Variants in PTPN14 observed in about 807,000 individuals in gnomAD.
The protein encoded by PTPN14 is protein tyrosine phosphatase non-receptor type 14, also known as tyrosine-protein phosphatase non-receptor type 14.
A neutral mutation model predicts 126.8 loss-of-function variants in PTPN14; 53 were observed. The observed-to-expected ratio is 0.42, with a 90% confidence interval of 0.34 to 0.53. The LOEUF (loss-of-function observed/expected upper bound fraction) is 0.53, where lower values mean the gene tolerates loss of function less well. Ranked by LOEUF, PTPN14 falls within the 20% of genes least tolerant of loss-of-function variation. The pLI is 0.08. For synonymous variants in PTPN14, 630 were observed against 599.3 expected, an observed-to-expected ratio of 1.05 and a Z score of -0.75; for missense variants, 1,257 against 1,552.9, an observed-to-expected ratio of 0.81 and a Z score of 3.20.
At chr1:214,493,606 G>C (rs1391299968) in intron 1 of PTPN14, among the ~76,000 whole-genome samples, 1 of 152,166 alleles carries the variant, frequency 6.6e-6, no homozygotes, top group African/African-American at 2.4e-5. Flanking sequence ...AATGAATTAG[G>C]AGAGATGGCG....
intron 3 of PTPN14, among the ~76,000 whole-genome samples, chr1:214,440,730 A>G (rs1163927821): frequency 1.3e-5 from 2 of 152,222 alleles, no homozygotes; most frequent in African/African-American, 4.8e-5. Context: ...TTCAAGTTAT[A>G]CAGAAAGTGC....
At chr1:214,500,554 T>G (rs1488621183) in intron 1 of PTPN14, among the ~76,000 whole-genome samples, 1 of 152,166 alleles carries the variant, frequency 6.6e-6, no homozygotes, top group Non-Finnish European at 1.5e-5. Flanking sequence ...GCTTGAGGCA[T>G]CGGCTCACTG....
intron 1 of PTPN14, among the ~76,000 whole-genome samples, chr1:214,475,683 C>T (rs940492825): frequency 6.6e-6 from 1 of 152,128 alleles, no homozygotes; most frequent in South Asian, 2.1e-4. Flanking sequence ...ATCAGCACCG[C>T]CATTTGTGAA....
intron 15 of PTPN14, among the ~76,000 whole-genome samples, chr1:214,375,252 G>T (rs72757960): frequency 6.6e-6 from 1 of 151,972 alleles, no homozygotes; most frequent in Non-Finnish European, 1.5e-5. Flanking sequence ...TATCTAACTC[G>T]CCTTTTACAG....
chr1:214,450,405 G>T (rs1660247995), intron 3 of PTPN14, among the ~76,000 whole-genome samples: 2 of 151,590 alleles, frequency 1.3e-5, no homozygotes, highest in African/African-American at 4.8e-5. Flanking sequence ...CTGGGAGGTG[G>T]AGGCTGCAGT....
intron 5 of PTPN14, among the ~76,000 whole-genome samples, chr1:214,409,737 GCTCAGTAAGACTTTACTCCTCA>G (rs1273163687): frequency 4.5e-5 from 2 of 44,218 alleles, no homozygotes; most frequent in African/African-American, 1.5e-4. Flanking sequence ...TACTCCTCAT[GCTCAGTAAGACTTTACTCCTCA>G]TGCTCAATAC....
chr1:214,443,113 G>A (rs545424480), intron 3 of PTPN14, among the ~76,000 whole-genome samples: 130 of 152,090 alleles, frequency 8.5e-4, no homozygotes, highest in Non-Finnish European at 1.7e-3. Context: ...GTGAACCACC[G>A]CGCCCAGCCT....
chr1:214,475,054 G>A (rs1412650352), intron 1 of PTPN14, among the ~76,000 whole-genome samples: 1 of 152,210 alleles, frequency 6.6e-6, no homozygotes, highest in Non-Finnish European at 1.5e-5. Flanking sequence ...GCACCACTAT[G>A]AGTTGACAGT....
At chr1:214,530,801 GT>G (rs369277271) in intron 1 of PTPN14, 44 of 152,262 alleles carry the variant, frequency 2.9e-4, no homozygotes, top group African/African-American at 1.0e-3. Context: ...GAGTTCAGTA[GT>G]AACCTTCTTT....
Position 214,383,824 on chromosome 1 carries a change from G to A in PTPN14, c.2031C>T (p.Pro677=), listed in dbSNP as rs770086401. The change falls in exon 13 of 19, where the codon CCC becomes CCT. Residue 677 remains proline, a synonymous_variant. Coordinates refer to ENST00000366956, the MANE Select transcript of PTPN14 (RefSeq NM_005401.5). The surrounding 1 kb of genome is among the most constrained non-coding windows in gnomAD (Gnocchi z 4.4). ...CCTCGTGGCTGCCTGACCCCTCCTC[G>A]GGCGGTCCCTGCTCCCGGAGCGTGT... The part of the protein sequence containing the change: ...RRNTLREQGP[P]EEGSGSHEVP... The A allele has an allele frequency of 1.7e-5, 27 of 1,612,358 alleles. No individual in the cohort carries two copies. Among genetic ancestry groups the A allele is most frequent in the East Asian group, 6.7e-5 (3 of 44,888 alleles).
At chr1:214,444,907 C>T (rs1390754783) in intron 3 of PTPN14, among the ~76,000 whole-genome samples, 1 of 152,208 alleles carries the variant, frequency 6.6e-6, no homozygotes, top group East Asian at 1.9e-4. Flanking sequence ...CCTTGTCACT[C>T]ACTTCACACG....
intron 1 of PTPN14, among the ~76,000 whole-genome samples, chr1:214,486,039 T>G (rs1157722014): frequency 1.3e-5 from 2 of 152,138 alleles, no homozygotes; most frequent in Non-Finnish European, 2.9e-5. Flanking sequence ...TCTTTTATAT[T>G]TCATTGGTGA....
chr1:214,430,753 A>G (rs950491602), intron 3 of PTPN14, among the ~76,000 whole-genome samples: 1 of 152,118 alleles, frequency 6.6e-6, no homozygotes, highest in Non-Finnish European at 1.5e-5. Flanking sequence ...TTCTCTGGAG[A>G]TCACTGAATA....
chr1:214,371,243 T>C (rs371909277), intron 16 of PTPN14, among the ~76,000 whole-genome samples: 23 of 152,252 alleles, frequency 1.5e-4, no homozygotes, highest in African/African-American at 5.5e-4. Context: ...CTCTCTTTCT[T>C]AACCCTTTTT....
intron 1 of PTPN14, among the ~76,000 whole-genome samples, chr1:214,507,803 G>C (rs1654878105): frequency 6.6e-6 from 1 of 152,118 alleles, no homozygotes; most frequent in Non-Finnish European, 1.5e-5. Context: ...TATAAAGTGT[G>C]CAAAAGCATC....
chr1:214,369,667 G>T lies in PTPN14; in HGVS notation c.3061C>A (p.Arg1021=). 2 of 1,614,094 alleles carry T rather than the reference G, an allele frequency of 1.2e-6. No homozygotes were observed. Among genetic ancestry groups the T allele is most frequent in the Non-Finnish European group, 1.7e-6 (2 of 1,179,994 alleles). Residue 1021 remains arginine, a synonymous_variant, in exon 17 of 19, where the codon CGA becomes AGA. Coordinates refer to ENST00000366956, the MANE Select transcript of PTPN14 (RefSeq NM_005401.5). ...TTTGAACCTAGTTTGGGCCAGTATC[G>T]GTGGCTTTTGGTTCGTCCACCCTCC... is the stretch of plus-strand genomic sequence containing the variant. The part of the protein sequence containing the change: ...EEEGGRTKSH[R]YWPKLGSKHS...
intron 1 of PTPN14, among the ~76,000 whole-genome samples, chr1:214,505,625 G>C (rs1654821622): frequency 1.3e-5 from 2 of 152,222 alleles, no homozygotes; most frequent in South Asian, 4.1e-4. Flanking sequence ...GCTGGGTGCA[G>C]TGTCTCACGC....
Position 214,464,857 on chromosome 1 carries a change from A to G in PTPN14, c.-54T>C. On this transcript the variant is annotated 5_prime_UTR_variant, in exon 2 of 19. Transcript: ENST00000366956. The stretch of plus-strand genomic sequence containing the variant: ...CTATCCTGGCGCACACGCCCCTGAG[A>G]TGGCCTTAGCAGTTTCGTGACTGGA... 1 of 1,598,956 alleles carries G rather than the reference A, an allele frequency of 6.3e-7. No homozygotes were observed. The highest frequency in any genetic ancestry group is 8.6e-7 in the Non-Finnish European group (1 of 1,169,474).
At chr1:214,533,374 G>A in intron 1 of PTPN14, 1 of 456,164 alleles carries the variant, frequency 2.2e-6, no homozygotes, top group Non-Finnish European at 4.1e-6. Flanking sequence ...ATGGACAGCA[G>A]CAACTCCACG....
Sources: allele counts gnomAD v4.1 joint callset (sites outside exome capture counted in the v4.1 genomes callset), GRCh38; gene constraint gnomAD v4.1.1; non-coding constraint Gnocchi (gnomAD v3.1); transcripts MANE v1.5; gene names NCBI Gene and HGNC (gene_info 2026-07-23, HGNC 2026-07-21).